Variants in SHROOM3 observed in about 807,000 individuals in gnomAD.
The protein encoded by SHROOM3 is shroom family member 3.
Under a neutral mutation model 138.6 loss-of-function variants are expected in SHROOM3, and 47 were observed. The observed-to-expected ratio is 0.34, with a 90% CI of 0.27 to 0.43. The LOEUF (loss-of-function observed/expected upper bound fraction) is 0.43, where lower values mean the gene tolerates loss of function less well. SHROOM3 is among the 20% of genes least tolerant of loss of function. SHROOM3 has a pLI of 1.00. For missense variants in SHROOM3, 2,491 were observed against 2,596.5 expected (o/e 0.96, Z 0.88); for synonymous variants, 1,062 against 1,063.3 (o/e 1.00, Z 0.02).
At chr4:76,622,108 C>A (rs1735020150) in intron 2 of SHROOM3, among the ~76,000 whole-genome samples, 1 of 152,018 alleles carries the variant, frequency 6.6e-6, no homozygotes, top group African/African-American at 2.4e-5. Flanking sequence ...TGGGATTGCG[C>A]ACGGCTGAAT....
At chr4:76,500,933 A>G (rs976297196) in intron 1 of SHROOM3, among the ~76,000 whole-genome samples, 2 of 152,076 alleles carry the variant, frequency 1.3e-5, no homozygotes, top group African/African-American at 2.4e-5. Context: ...CAGCCTCCAT[A>G]GTAGTTGGGA....
In SHROOM3 at chr4:76,782,476, A is replaced by AATAT. The variant is rs1301170773; in HGVS notation, c.*3301_*3302insATAT. 1 of 152,204 alleles carries AATAT rather than the reference A, an allele frequency of 6.6e-6. No individual in the cohort carries two copies. The highest frequency in any genetic ancestry group is 1.5e-5 in the Non-Finnish European group (1 of 68,042). 9.4% of individuals were successfully genotyped at this position (152,204 alleles called of 1,614,324 possible). A position where few individuals can be genotyped will look rare whatever the true frequency, so the allele number is the denominator to read the frequency against. On this transcript the variant is annotated 3_prime_UTR_variant, in exon 11 of 11. Transcript: ENST00000296043. ...TCATCTAAAATAATTCATGAGTTTA[A>AATAT]ATGGTAAATATATGCTTTAAGCTCT...
At chr4:76,743,061 G>A (rs1419323621) in intron 5 of SHROOM3, among the ~76,000 whole-genome samples, 2 of 152,200 alleles carry the variant, frequency 1.3e-5, no homozygotes, top group Non-Finnish European at 2.9e-5. Context: ...TGGGAATAGT[G>A]ATCAATAATA....
At chr4:76,605,915 C>T (rs923665547) in intron 2 of SHROOM3, among the ~76,000 whole-genome samples, 8 of 138,684 alleles carry the variant, frequency 5.8e-5, no homozygotes, top group African/African-American at 1.9e-4. Flanking sequence ...GCACAATTTT[C>T]TCTCTCTCTC....
At chr4:76,519,032 G>A (rs1403447643) in intron 1 of SHROOM3, among the ~76,000 whole-genome samples, 1 of 152,070 alleles carries the variant, frequency 6.6e-6, no homozygotes, top group Non-Finnish European at 1.5e-5. Flanking sequence ...CTCAAGATGC[G>A]GCATAGCCTT....
chr4:76,653,283 T>A (rs1156319409), intron 2 of SHROOM3, among the ~76,000 whole-genome samples: 9 of 151,912 alleles, frequency 5.9e-5, no homozygotes, highest in Non-Finnish European at 1.3e-4. Context: ...CTGTTACTGT[T>A]TGGGGTTGGA....
In SHROOM3 at chr4:76,779,257, C is replaced by G; in HGVS notation, c.*80C>G. On this transcript the variant is annotated 3_prime_UTR_variant, in exon 11 of 11. Coordinates refer to ENST00000296043, the MANE Select transcript of SHROOM3 (RefSeq NM_020859.4). The stretch of plus-strand genomic sequence containing the variant: ...CTGAAAAATGTTTCAGTACAAACCA[C>G]TGTTTGAACTATCTGGGTTATTGGT... 2 of 1,488,490 alleles carry G rather than the reference C, an allele frequency of 1.3e-6. No homozygotes were observed. The highest frequency in any genetic ancestry group is 1.8e-6 in the Non-Finnish European group (2 of 1,114,298). The allele number at this position is 1,488,490 out of a possible 1,614,324, so 92.2% of individuals were successfully genotyped here. A position where few individuals can be genotyped will look rare whatever the true frequency, so the allele number is the denominator to read the frequency against.
At chr4:76,438,070 G>T (rs1018282991) in intron 1 of SHROOM3, among the ~76,000 whole-genome samples, 5 of 152,166 alleles carry the variant, frequency 3.3e-5, no homozygotes, top group Non-Finnish European at 7.4e-5. Context: ...CAAAGATTAT[G>T]ATTATTGCTT....
intron 1 of SHROOM3, among the ~76,000 whole-genome samples, chr4:76,480,342 C>T (rs975831738): frequency 6.6e-6 from 1 of 152,106 alleles, no homozygotes; most frequent in African/African-American, 2.4e-5. Context: ...GGTTGCAATC[C>T]TAGTCTCTGA....
intron 2 of SHROOM3, among the ~76,000 whole-genome samples, chr4:76,610,049 T>A (rs1179866813): frequency 6.6e-6 from 1 of 152,228 alleles, no homozygotes; most frequent in African/African-American, 2.4e-5. Flanking sequence ...GGAAAATGGA[T>A]TGTACTTTGT....
rs1461357529 is a variant in SHROOM3 at position 76,502,726 on chromosome 4, A to G, written c.169-52883A>G. ...GCATGTTTGCTGCTACAATATCATA[A>G]GAATGTTTTCCTGTGCTTTATTCTA... On this transcript the variant is annotated intron_variant, in intron 1 of 10. Transcript: ENST00000296043. 2.6e-5 allele frequency among the ~76,000 whole-genome samples: 4 copies of G among 152,228 alleles called. No individual in the cohort carries two copies. In the East Asian group the frequency reaches 7.7e-4, roughly 29 times the overall value.
chr4:76,639,531 C>A, intron 2 of SHROOM3: 1 of 398,598 alleles, frequency 2.5e-6, no homozygotes, highest in South Asian at 1.3e-4. Flanking sequence ...CCTCCTCTCC[C>A]ATGCCAATCT....
chr4:76,511,025 A>G (rs1732323689), intron 1 of SHROOM3, among the ~76,000 whole-genome samples: 1 of 152,068 alleles, frequency 6.6e-6, no homozygotes, highest in Non-Finnish European at 1.5e-5. Context: ...TACTAAAAAT[A>G]CAAAAAATTA....
chr4:76,601,878 A>G (rs764655593), intron 2 of SHROOM3, among the ~76,000 whole-genome samples: 7 of 152,196 alleles, frequency 4.6e-5, no homozygotes, highest in Non-Finnish European at 8.8e-5. Flanking sequence ...TTGTCAGACA[A>G]TTCAGTCCCC....
At chr4:76,692,326 G>A (rs982388490) in intron 2 of SHROOM3, among the ~76,000 whole-genome samples, 1 of 152,196 alleles carries the variant, frequency 6.6e-6, no homozygotes, top group African/African-American at 2.4e-5. Flanking sequence ...ATCATTTACT[G>A]TGTGGGAGGC....
At chr4:76,500,612 C>T (rs923429017) in intron 1 of SHROOM3, among the ~76,000 whole-genome samples, 3 of 152,046 alleles carry the variant, frequency 2.0e-5, no homozygotes, top group African/African-American at 7.2e-5. Flanking sequence ...CTTTTGCCAA[C>T]TCTTGGTATT....
intron 1 of SHROOM3, among the ~76,000 whole-genome samples, chr4:76,504,477 A>C (rs1191670759): frequency 3.3e-5 from 5 of 151,728 alleles, no homozygotes; most frequent in Non-Finnish European, 5.9e-5. Flanking sequence ...AGTTTTTTAA[A>C]CTCCTGCCTC....
At chr4:76,508,204 G>GT (rs59304713) in intron 1 of SHROOM3, among the ~76,000 whole-genome samples, 14 of 151,820 alleles carry the variant, frequency 9.2e-5, no homozygotes, top group African/African-American at 1.9e-4. Flanking sequence ...TTACATTCAG[G>GT]TTTTTTTTGA....
intron 2 of SHROOM3, chr4:76,689,676 GC>G (rs1410339350): frequency 2.4e-5 from 24 of 985,448 alleles, no homozygotes; most frequent in Non-Finnish European, 2.9e-5. Flanking sequence ...CAGCCCGGGG[GC>G]GGCGGCCGCG....
Sources: allele counts gnomAD v4.1 joint callset (sites outside exome capture counted in the v4.1 genomes callset), GRCh38; gene constraint gnomAD v4.1.1; transcripts MANE v1.5; gene names NCBI Gene and HGNC (gene_info 2026-07-23, HGNC 2026-07-21).